Variants in ABCC4 observed in about 807,000 individuals in gnomAD.
The protein encoded by ABCC4 is ATP binding cassette subfamily C member 4 (PEL blood group).
A neutral mutation model predicts 168.5 loss-of-function variants in ABCC4; 102 were observed. The ratio of observed to expected loss-of-function variants is 0.61; its 90% CI spans 0.52 to 0.71. The LOEUF is 0.71. ABCC4 is among the 30% of genes least tolerant of loss of function. The pLI, the probability that ABCC4 is intolerant of heterozygous loss-of-function variation, is 0.00. For synonymous variants in ABCC4, 617 were observed against 590.7 expected, an observed-to-expected ratio of 1.04 and a Z score of -0.65; for missense variants, 1,402 against 1,605.8, an observed-to-expected ratio of 0.87 and a Z score of 2.17.
chr13:95,075,617 G>T, intron 21 of ABCC4, 66 bp from the exon 22 acceptor site: 1 of 1,603,508 alleles, frequency 6.2e-7, no homozygotes, highest in Non-Finnish European at 8.5e-7. Flanking sequence ...GGCCTCCCAA[G>T]CTCCATGGTC....
chr13:95,174,792 C>T (rs2037611072), intron 13 of ABCC4, among the ~76,000 whole-genome samples: 1 of 152,212 alleles, frequency 6.6e-6, no homozygotes, highest in Non-Finnish European at 1.5e-5. Context: ...ATGGAAAATT[C>T]ATCAAGGCAC....
chr13:95,152,703 T>G lies in ABCC4; in HGVS notation c.2455+8486A>C, dbSNP rs567887229. Among the ~76,000 whole-genome samples the G allele has an allele frequency of 5.3e-5, 8 of 152,210 alleles. No individual in the cohort carries two copies. In the East Asian group the frequency reaches 1.5e-3, roughly 29 times the overall value. On this transcript the variant is annotated intron_variant, in intron 19 of 30. Coordinates refer to ENST00000645237, the MANE Select transcript of ABCC4 (RefSeq NM_005845.5). ...TCTGATTTTTTTTCCACTGTCTTCATGGCAATATAAATAATCATGTTTATA... is the reference window on the plus strand; with the variant it reads ...TCTGATTTTTTTTCCACTGTCTTCAGGGCAATATAAATAATCATGTTTATA...
At position 95,026,355 on chromosome 13, in the gene ABCC4, AAAAT is replaced by A. The variant is rs762044830; in HGVS notation, c.3871-4677_3871-4674del. On this transcript the variant is annotated intron_variant, in intron 30 of 30. Transcript: ENST00000645237. ...ACAGGATAGGATTGAGCAAACAAACAAAATAACTAAAAGTTAATAAAGAACTAAA... is the reference window on the plus strand; with the variant it reads ...ACAGGATAGGATTGAGCAAACAAACAAACTAAAAGTTAATAAAGAACTAAA... Among the ~76,000 whole-genome samples, 403 of 125,152 alleles carry A rather than the reference AAAAT, an allele frequency of 3.2e-3. 3 individuals are homozygous for A. The highest frequency in any genetic ancestry group is 2.1e-3 in the Non-Finnish European group (111 of 53,394). 82.1% of individuals were successfully genotyped at this position (125,152 alleles called of 152,430 possible).
intron 19 of ABCC4, among the ~76,000 whole-genome samples, chr13:95,132,523 T>C (rs1381777736): frequency 6.6e-6 from 1 of 152,158 alleles, no homozygotes; most frequent in African/African-American, 2.4e-5. Flanking sequence ...GGCCCTCCCA[T>C]TTAATTTTAA....
chr13:95,201,001 C>A (rs1279170182), intron 8 of ABCC4, among the ~76,000 whole-genome samples: 1 of 152,206 alleles, frequency 6.6e-6, no homozygotes, highest in Admixed American at 6.5e-5. Flanking sequence ...CGCTTTCTTA[C>A]CAGTCATGCC....
chr13:95,240,109 T>A (rs569047612), intron 3 of ABCC4, among the ~76,000 whole-genome samples: 1 of 152,186 alleles, frequency 6.6e-6, no homozygotes, highest in Admixed American at 6.5e-5. Context: ...ACTACTAACT[T>A]CTGGTACCAG....
At position 95,020,031 on chromosome 13, in the gene ABCC4, A is replaced by T. The variant is rs1319753710; in HGVS notation, c.*1544T>A. 6.6e-6 allele frequency: 1 copy of T among 152,214 alleles called. No individual in the cohort carries two copies. The highest frequency in any genetic ancestry group is 6.5e-5 in the Admixed American group (1 of 15,286). The allele number at this position is 152,214 out of a possible 1,614,324, so 9.4% of individuals were successfully genotyped here. ...CACTGATGCAATTTCAGTCACCTAA[A>T]ATACGAACCATGACTATTAATAAAC... On this transcript the variant is annotated 3_prime_UTR_variant, in exon 31 of 31. Coordinates refer to ENST00000645237, the MANE Select transcript of ABCC4 (RefSeq NM_005845.5).
At chr13:95,129,551 C>A (rs972833542) in intron 19 of ABCC4, among the ~76,000 whole-genome samples, 46 of 152,136 alleles carry the variant, frequency 3.0e-4, no homozygotes, top group African/African-American at 1.1e-3. Flanking sequence ...AATATTATAT[C>A]CTGCTATCCT....
chr13:95,138,734 G>C (rs1473157504), intron 19 of ABCC4, among the ~76,000 whole-genome samples: 1 of 152,184 alleles, frequency 6.6e-6, no homozygotes, highest in Non-Finnish European at 1.5e-5. Context: ...TGGAGCTCCG[G>C]CAAGCACCGA....
Position 95,219,868 on chromosome 13 carries a change from T to TC in ABCC4, c.532-9088dup, listed in dbSNP as rs397728893. Reference sequence around the variant, plus strand: ...GTTTTTCTTCTTTCTGCTTTTTTTTTCCCCCCGAGACAGTTTCACTCTTGT... The same window carrying TC: ...GTTTTTCTTCTTTCTGCTTTTTTTTTCCCCCCCGAGACAGTTTCACTCTTGT... On this transcript the variant is annotated intron_variant, in intron 4 of 30. Coordinates refer to ENST00000645237, the MANE Select transcript of ABCC4 (RefSeq NM_005845.5). Among the ~76,000 whole-genome samples, 1,085 of 149,052 alleles carry TC rather than the reference T, an allele frequency of 7.3e-3. 4 individuals are homozygous for TC. The highest frequency in any genetic ancestry group is 0.019 in the African/African-American group (757 of 40,640).
chr13:95,084,107 G>C (rs1464774378), intron 20 of ABCC4, among the ~76,000 whole-genome samples: 1 of 152,176 alleles, frequency 6.6e-6, no homozygotes, highest in Non-Finnish European at 1.5e-5. Flanking sequence ...ATCTCTCTTG[G>C]TATCTATCCT....
chr13:95,031,679 T>C (rs1238179074), intron 30 of ABCC4, among the ~76,000 whole-genome samples: 4 of 152,220 alleles, frequency 2.6e-5, no homozygotes, highest in African/African-American at 9.6e-5. Context: ...CCAATGTCCC[T>C]TTCTATATGT....
intron 30 of ABCC4, among the ~76,000 whole-genome samples, chr13:95,025,669 AATTATT>A (rs1229916859): frequency 6.6e-6 from 1 of 151,754 alleles, no homozygotes; most frequent in Non-Finnish European, 1.5e-5. Context: ...GAATAATAAA[AATTATT>A]ATTATAATTT....
At chr13:95,284,280 GGGCTC>G (rs2041204215) in intron 1 of ABCC4, among the ~76,000 whole-genome samples, 1 of 152,052 alleles carries the variant, frequency 6.6e-6, no homozygotes, top group Admixed American at 6.6e-5. Context: ...ACAACCTCCT[GGGCTC>G]AGGTGATCCT....
intron 11 of ABCC4, among the ~76,000 whole-genome samples, chr13:95,179,169 G>T (rs1355624528): frequency 6.6e-6 from 1 of 152,198 alleles, no homozygotes; most frequent in Non-Finnish European, 1.5e-5. Context: ...GACTTACTAA[G>T]GAACAACTGT....
chr13:95,234,521 T>C, intron 4 of ABCC4, 89 bp downstream of exon 4: 2 of 1,089,192 alleles, frequency 1.8e-6, no homozygotes, highest in Admixed American at 1.9e-5. Flanking sequence ...GCAGTGGCTA[T>C]TTATGCAGTA....
intron 20 of ABCC4, among the ~76,000 whole-genome samples, chr13:95,098,043 C>T (rs1205471244): frequency 6.8e-6 from 1 of 147,760 alleles, no homozygotes; most frequent in African/African-American, 2.5e-5. Flanking sequence ...GGCTGAGGCA[C>T]AAGAATCGCT....
chr13:95,074,631 C>T (rs1483872069), intron 22 of ABCC4, among the ~76,000 whole-genome samples: 1 of 152,130 alleles, frequency 6.6e-6, no homozygotes, highest in African/African-American at 2.4e-5. Flanking sequence ...ATGTGAAGTG[C>T]ATCTCATGTG....
At chr13:95,106,099 G>A (rs1299739771) in intron 20 of ABCC4, among the ~76,000 whole-genome samples, 1 of 152,064 alleles carries the variant, frequency 6.6e-6, no homozygotes, top group African/African-American at 2.4e-5. Flanking sequence ...CCACTTAGCT[G>A]CTCAAAGACC....
Sources: allele counts gnomAD v4.1 joint callset (sites outside exome capture counted in the v4.1 genomes callset), GRCh38; gene constraint gnomAD v4.1.1; transcripts MANE v1.5; gene names NCBI Gene and HGNC (gene_info 2026-07-23, HGNC 2026-07-21).